Variants in CAPN5 observed in about 807,000 individuals in gnomAD.
The protein encoded by CAPN5 is calpain 5, also known as calpain-5.
Under a neutral mutation model 73.0 loss-of-function variants are expected in CAPN5, and 54 were observed. The observed-to-expected ratio is 0.74, with a 90% CI of 0.59 to 0.93. The LOEUF (loss-of-function observed/expected upper bound fraction) is 0.93, where lower values mean the gene tolerates loss of function less well. CAPN5 is among the 40% of genes least tolerant of loss of function. The probability of loss-of-function intolerance (pLI) is 0.00; values close to 1 mark genes in which losing one functional copy is unlikely to be tolerated. For synonymous variants in CAPN5, 335 were observed against 356.9 expected (o/e 0.94, Z 0.69); for missense variants, 785 against 882.9 (o/e 0.89, Z 1.41).
intron 1 of CAPN5, among the ~76,000 whole-genome samples, chr11:77,075,663 C>T (rs1422926574): frequency 6.6e-6 from 1 of 152,214 alleles, no homozygotes; most frequent in Non-Finnish European, 1.5e-5. Context: ...CTCCCAGGGC[C>T]ACTGTGCTGG....
chr11:77,103,425 G>T (rs2233551), intron 3 of CAPN5: 59 of 1,453,936 alleles, frequency 4.1e-5, no homozygotes, highest in Admixed American at 1.2e-4. Context: ...CATTATTCTC[G>T]CTGCTCAGCC....
chr11:77,092,058 A>C (rs1467726671), intron 2 of CAPN5, among the ~76,000 whole-genome samples: 1 of 152,164 alleles, frequency 6.6e-6, no homozygotes, highest in Non-Finnish European at 1.5e-5. Flanking sequence ...CATCTCTACA[A>C]AAAATTTAAG....
intron 3 of CAPN5, among the ~76,000 whole-genome samples, chr11:77,096,971 T>C (rs531213615): frequency 1.6e-3 from 238 of 152,186 alleles, no homozygotes; most frequent in African/African-American, 5.4e-3. Context: ...GCCTGTAATC[T>C]GAGCACTTTG....
intron 3 of CAPN5, 118 bp downstream of exon 3, chr11:77,093,931 G>T: frequency 1.4e-6 from 2 of 1,422,172 alleles, no homozygotes; most frequent in East Asian, 2.4e-5. Flanking sequence ...GCCTGTGCCA[G>T]GGATGGGGTG....
At chr11:77,100,795 A>G (rs1555038705) in intron 3 of CAPN5, among the ~76,000 whole-genome samples, 1 of 151,996 alleles carries the variant, frequency 6.6e-6, no homozygotes, top group African/African-American at 2.4e-5. Flanking sequence ...CCCAGGCTTT[A>G]CTGTGTCCAT....
At chr11:77,118,576 C>A (rs1400775008) in intron 8 of CAPN5, among the ~76,000 whole-genome samples, 2 of 152,196 alleles carry the variant, frequency 1.3e-5, no homozygotes, top group Non-Finnish European at 2.9e-5. Context: ...AATGAGGAAA[C>A]CGCGGCTCTG....
rs150295190 is a variant in CAPN5 at position 77,118,355 on chromosome 11, G to T, written c.1167+3G>T. ...ACACCTTCTTCCAGAACCCACAGGTGGGCGTTCTCAGGAACCCCCACCCTG... is the reference window on the plus strand; with the variant it reads ...ACACCTTCTTCCAGAACCCACAGGTTGGCGTTCTCAGGAACCCCCACCCTG... On this transcript the variant is annotated splice_donor_region_variant and intron_variant, in intron 8 of 12. Coordinates refer to ENST00000648180, the MANE Select transcript of CAPN5 (RefSeq NM_004055.5). 1.6e-4 allele frequency: 255 copies of T among 1,567,870 alleles called. No homozygotes were observed. The African/African-American group carries it at 3.1e-3, about 19-fold the overall frequency.
At chr11:77,102,984 G>A (rs782068416) in intron 3 of CAPN5, 3 of 1,613,426 alleles carry the variant, frequency 1.9e-6, no homozygotes, top group South Asian at 1.1e-5. Context: ...GCTGCAGCCA[G>A]CGGAGTCTGT....
chr11:77,122,642 C>T lies in CAPN5; in HGVS notation c.1670C>T (p.Thr557Ile). The T allele has an allele frequency of 6.2e-7, 1 of 1,613,890 alleles. No homozygotes were observed. ...DKVRSAVQKG[T>I]STPEYNVKGI... is the part of the protein sequence containing the mutation. Reference sequence around the variant, plus strand: ...GTCCGCTCGGCTGTGCAGAAGGGCACCTCCACACCAGAGTACAATGTGAAA... The same window carrying T: ...GTCCGCTCGGCTGTGCAGAAGGGCATCTCCACACCAGAGTACAATGTGAAA... Residue 557 changes from threonine (T) to isoleucine (I), a missense_variant, in exon 12 of 13, where the codon ACC becomes ATC. Thr to Ile is a moderately conservative substitution (Grantham distance 89). Transcript: ENST00000648180.
intron 1 of CAPN5, among the ~76,000 whole-genome samples, chr11:77,080,198 C>G (rs1347548304): frequency 6.6e-6 from 1 of 152,122 alleles, no homozygotes; most frequent in Non-Finnish European, 1.5e-5. Flanking sequence ...CTATTCTGTT[C>G]CACTGTTCTA....
At chr11:77,118,997 AGT>A (rs1555042220) in intron 8 of CAPN5, 31 bp from the exon 9 acceptor site, 1 of 1,590,510 alleles carries the variant, frequency 6.3e-7, no homozygotes, top group South Asian at 1.1e-5. Flanking sequence ...GTCTCATTGC[AGT>A]GTCTCTCTCT....
chr11:77,084,808 C>T, intron 1 of CAPN5, 44 bp from the exon 2 acceptor site: 1 of 1,561,394 alleles, frequency 6.4e-7, no homozygotes, highest in Non-Finnish European at 8.8e-7. Flanking sequence ...ACATCAGGGA[C>T]CCAGGGACTC....
At position 77,085,059 on chromosome 11, in the gene CAPN5, T is replaced by C. The variant is rs782377426; in HGVS notation, c.165+8T>C. 6 of 1,612,194 alleles carry C rather than the reference T, an allele frequency of 3.7e-6. No individual in the cohort carries two copies. The East Asian group carries it at 8.9e-5, about 24-fold the overall frequency. ...AGGTGGAAGCGACCCAAGGTCAGTGTCTGGTCCCAGCTGGAGCTGGGTGAG... is the reference window on the plus strand; with the variant it reads ...AGGTGGAAGCGACCCAAGGTCAGTGCCTGGTCCCAGCTGGAGCTGGGTGAG... On this transcript the variant is annotated splice_region_variant and intron_variant, in intron 2 of 12. Coordinates refer to ENST00000648180, the MANE Select transcript of CAPN5 (RefSeq NM_004055.5).
At chr11:77,072,467 G>A (rs935555319) in intron 1 of CAPN5, among the ~76,000 whole-genome samples, 5 of 152,222 alleles carry the variant, frequency 3.3e-5, no homozygotes, top group Non-Finnish European at 7.3e-5. Flanking sequence ...CAGGGAAGGT[G>A]TGCAAGTGAA....
intron 3 of CAPN5, among the ~76,000 whole-genome samples, chr11:77,108,442 G>T (rs1591138894): frequency 1.3e-5 from 2 of 152,192 alleles, no homozygotes; most frequent in Non-Finnish European, 2.9e-5. Context: ...AGTGGCATGG[G>T]TGTTTGGTGG....
At chr11:77,072,963 G>A (rs1949925888) in intron 1 of CAPN5, 3 of 602,316 alleles carry the variant, frequency 5.0e-6, no homozygotes, top group Non-Finnish European at 7.9e-6. Flanking sequence ...GGTGGCTTCA[G>A]TGACCTGATC....
chr11:77,113,277 AC>A (rs1451924074), intron 4 of CAPN5, among the ~76,000 whole-genome samples: 3 of 151,690 alleles, frequency 2.0e-5, no homozygotes, highest in Non-Finnish European at 4.4e-5. Flanking sequence ...GTCTTTGCTG[AC>A]CCCTCCTTCT....
At position 77,115,306 on chromosome 11, in the gene CAPN5, C is replaced by T. The variant is rs563266751; in HGVS notation, c.700-89C>T. 2.5e-3 allele frequency: 2,582 copies of T among 1,040,688 alleles called. 9 individuals are homozygous for T. Among genetic ancestry groups the T allele is most frequent in the Non-Finnish European group, 3.3e-3 (2,360 of 715,726 alleles). The allele number at this position is 1,040,688 out of a possible 1,614,324, so 64.5% of individuals were successfully genotyped here. A position where few individuals can be genotyped will look rare whatever the true frequency, so the allele number is the denominator to read the frequency against. On this transcript the variant is annotated intron_variant, in intron 5 of 12. Coordinates refer to ENST00000648180, the MANE Select transcript of CAPN5 (RefSeq NM_004055.5). ...AATTCCCATCCCATCCTGTAGGTCC[C>T]GTGCAGCCTCCTAGCCCTCCAGCAC...
chr11:77,072,969 T>A (rs1394165166), intron 1 of CAPN5: 1 of 668,452 alleles, frequency 1.5e-6, no homozygotes. Context: ...TTCAGTGACC[T>A]GATCAAGTCC....
Sources: allele counts gnomAD v4.1 joint callset (sites outside exome capture counted in the v4.1 genomes callset), GRCh38; gene constraint gnomAD v4.1.1; transcripts MANE v1.5; gene names NCBI Gene and HGNC (gene_info 2026-07-23, HGNC 2026-07-21).